STAT4: variants seen among roughly 807,000 people sequenced by gnomAD.
STAT4 encodes signal transducer and activator of transcription 4.
Under a neutral mutation model 110.5 loss-of-function variants are expected in STAT4, and 42 were observed. The observed-to-expected ratio is 0.38, with a 90% CI of 0.30 to 0.49. STAT4 has a LOEUF of 0.49. STAT4 is among the 20% of genes least tolerant of loss of function. The pLI is 0.95. For missense variants in STAT4, 632 were observed against 887.9 expected (o/e 0.71, Z 3.66); for synonymous variants, 284 against 302.2 (o/e 0.94, Z 0.63).
rs189835242 is a variant in STAT4 at position 191,141,776 on chromosome 2, G to A, written c.273+4837C>T. Among the ~76,000 whole-genome samples the A allele has an allele frequency of 2.6e-4, 39 of 151,960 alleles. No homozygotes were observed. The East Asian group carries it at 4.1e-3, about 16-fold the overall frequency. On this transcript the variant is annotated intron_variant, in intron 3 of 23. Transcript: ENST00000392320. The stretch of plus-strand genomic sequence containing the variant: ...CTCCTGAGTAGCTGGGATTACAGGC[G>A]TGCATCATCACATCTGGCTAATTTT...
chr2:191,105,597 TAA>T lies in STAT4; in HGVS notation c.274-29274_274-29273del, dbSNP rs149649830. On this transcript the variant is annotated intron_variant, in intron 3 of 23. Coordinates refer to ENST00000392320, the MANE Select transcript of STAT4 (RefSeq NM_003151.4). ...CACAGCAAAAGCATAAGTAGAAAAA[TAA>T]AAAGCCAGTCTTCATTTTACCCACT... Among the ~76,000 whole-genome samples the T allele has an allele frequency of 5.2e-3, 788 of 152,230 alleles. 6 individuals carry two copies. Among genetic ancestry groups the T allele is most frequent in the African/African-American group, 0.018 (750 of 41,546 alleles).
At chr2:191,044,560 A>T (rs1696293117) in intron 14 of STAT4, among the ~76,000 whole-genome samples, 1 of 152,180 alleles carries the variant, frequency 6.6e-6, no homozygotes, top group South Asian at 2.1e-4. Context: ...ACAGTAACCT[A>T]AGAAAGAGGA....
At chr2:191,134,930 G>A (rs1305509713) in intron 3 of STAT4, among the ~76,000 whole-genome samples, 2 of 151,872 alleles carry the variant, frequency 1.3e-5, no homozygotes, top group Non-Finnish European at 2.9e-5. Context: ...TGCTAAAAGG[G>A]AGGTTCATAG....
rs1052835658 is a variant in STAT4, at chr2:191,061,259, G to C, written c.1034+470C>G. ...CAGTTACTGGGTAATCTCAGGAGAT[G>C]AATGTGCCACTGTGTTTCCTGGATA... On this transcript the variant is annotated intron_variant, in intron 10 of 23. Coordinates refer to ENST00000392320, the MANE Select transcript of STAT4 (RefSeq NM_003151.4). The surrounding 1 kb of genome is among the most constrained non-coding windows in gnomAD (Gnocchi z 6.2). 8.5e-5 allele frequency among the ~76,000 whole-genome samples: 13 copies of C among 152,138 alleles called. No homozygotes were observed. The highest frequency in any genetic ancestry group is 3.1e-4 in the African/African-American group (13 of 41,426).
At chr2:191,057,332 G>A (rs545923529) in intron 13 of STAT4, among the ~76,000 whole-genome samples, 2 of 152,162 alleles carry the variant, frequency 1.3e-5, no homozygotes, top group Admixed American at 1.3e-4. Context: ...ATGTTGCTGC[G>A]TATGACACAA....
chr2:191,036,038 T>A lies in STAT4; in HGVS notation c.1570+126A>T. On this transcript the variant is annotated intron_variant, in intron 17 of 23. Coordinates refer to ENST00000392320, the MANE Select transcript of STAT4 (RefSeq NM_003151.4). ...TAACACTTAGTTCTGTGCCTGGCAA[T>A]ATAGTAGGCATTGAATAAATTATGA... is the stretch of plus-strand genomic sequence containing the variant. The A allele has an allele frequency of 2.6e-6, 3 of 1,166,634 alleles. No homozygotes were observed. The South Asian group carries it at 4.8e-5, about 19-fold the overall frequency. 72.3% of individuals were successfully genotyped at this position (1,166,634 alleles called of 1,614,324 possible).
rs1159866242 is a variant in STAT4, at chr2:191,083,865, T to C, written c.274-7540A>G. Reference sequence around the variant, plus strand: ...TTCGCATGATTTTAGTAATCTTTGATGAAAAAAAGACAGTTTTAAAATTAT... The same window carrying C: ...TTCGCATGATTTTAGTAATCTTTGACGAAAAAAAGACAGTTTTAAAATTAT... On this transcript the variant is annotated intron_variant, in intron 3 of 23. Transcript: ENST00000392320. The surrounding 1 kb of genome is among the most constrained non-coding windows in gnomAD (Gnocchi z 4.6). 6.6e-6 allele frequency among the ~76,000 whole-genome samples: 1 copy of C among 152,108 alleles called. No homozygotes were observed. Among genetic ancestry groups the C allele is most frequent in the East Asian group, 1.9e-4 (1 of 5,194 alleles).
Position 191,082,819 on chromosome 2 carries a change from C to T in STAT4, c.274-6494G>A, listed in dbSNP as rs117467313. Among the ~76,000 whole-genome samples, 1,213 of 152,292 alleles carry T rather than the reference C, an allele frequency of 8.0e-3. 16 individuals carry two copies. Among genetic ancestry groups the T allele is most frequent in the Middle Eastern group, 0.037 (11 of 294 alleles). On this transcript the variant is annotated intron_variant, in intron 3 of 23. Coordinates refer to ENST00000392320, the MANE Select transcript of STAT4 (RefSeq NM_003151.4). This position sits in a 1 kb window ranked among gnomAD's most constrained non-coding sequence, Gnocchi z 4.7. Reference sequence around the variant, plus strand: ...CCTGTTCAAAATAATCTTCTTCATACAGGCGACATGGAGCCTGAAACTTCA... The same window carrying T: ...CCTGTTCAAAATAATCTTCTTCATATAGGCGACATGGAGCCTGAAACTTCA...
Position 191,051,576 on chromosome 2 carries a change from G to A in STAT4, c.1251+2914C>T, listed in dbSNP as rs918940296. Among the ~76,000 whole-genome samples the A allele has an allele frequency of 6.6e-6, 1 of 152,256 alleles. No individual in the cohort carries two copies. The highest frequency in any genetic ancestry group is 2.4e-5 in the African/African-American group (1 of 41,466). On this transcript the variant is annotated intron_variant, in intron 14 of 23. Coordinates refer to ENST00000392320, the MANE Select transcript of STAT4 (RefSeq NM_003151.4). This position sits in a 1 kb window ranked among gnomAD's most constrained non-coding sequence, Gnocchi z 5.6. ...GTGCAAAAGGAGACACAGTAGACAAGAGAGGTCAACAACATTTTCTGAGGA... is the reference window on the plus strand; with the variant it reads ...GTGCAAAAGGAGACACAGTAGACAAAAGAGGTCAACAACATTTTCTGAGGA...
chr2:191,063,186 A>T (rs917613668), intron 8 of STAT4, among the ~76,000 whole-genome samples: 4 of 152,098 alleles, frequency 2.6e-5, no homozygotes, highest in Admixed American at 2.6e-4. Context: ...ATGAAATTTT[A>T]TCAACATTTG....
In STAT4 at chr2:191,138,031, T is replaced by C. The variant is rs896045688; in HGVS notation, c.273+8582A>G. Among the ~76,000 whole-genome samples the C allele has an allele frequency of 1.3e-5, 2 of 152,164 alleles. No homozygotes were observed. Among genetic ancestry groups the C allele is most frequent in the Non-Finnish European group, 2.9e-5 (2 of 68,012 alleles). On this transcript the variant is annotated intron_variant, in intron 3 of 23. Transcript: ENST00000392320. This position sits in a 1 kb window ranked among gnomAD's most constrained non-coding sequence, Gnocchi z 4.3. Reference sequence around the variant, plus strand: ...ATAGAACTACATTAAACTAAAAAGCTTCTGCACAGCAAAGGAAACAATCAG... The same window carrying C: ...ATAGAACTACATTAAACTAAAAAGCCTCTGCACAGCAAAGGAAACAATCAG...
chr2:191,140,398 A>G lies in STAT4; in HGVS notation c.273+6215T>C, dbSNP rs1488926453. On this transcript the variant is annotated intron_variant, in intron 3 of 23. Transcript: ENST00000392320. The surrounding 1 kb of genome is among the most constrained non-coding windows in gnomAD (Gnocchi z 4.4). ...TGCAAGGAACTCAAACAAATCAGCA[A>G]AAAAACTAATAATAATCCCATCAAA... Among the ~76,000 whole-genome samples the G allele has an allele frequency of 2.0e-5, 3 of 152,248 alleles. No individual in the cohort carries two copies. Among genetic ancestry groups the G allele is most frequent in the African/African-American group, 7.2e-5 (3 of 41,464 alleles).
chr2:191,075,852 T>TG (rs1318352950), intron 4 of STAT4, among the ~76,000 whole-genome samples: 62 of 149,364 alleles, frequency 4.2e-4, no homozygotes, highest in African/African-American at 1.2e-3. Flanking sequence ...TTTTTTTTTT[T>TG]TTTTGTTTTG....
At position 191,066,521 on chromosome 2, in the gene STAT4, A is replaced by G. The variant is rs1176824036; in HGVS notation, c.545-6T>C. 2 of 1,612,246 alleles carry G rather than the reference A, an allele frequency of 1.2e-6. No homozygotes were observed. Among genetic ancestry groups the G allele is most frequent in the South Asian group, 2.2e-5 (2 of 90,994 alleles). On this transcript the variant is annotated splice_polypyrimidine_tract_variant and splice_region_variant and intron_variant, in intron 6 of 23. Coordinates refer to ENST00000392320, the MANE Select transcript of STAT4 (RefSeq NM_003151.4). The surrounding 1 kb of genome is among the most constrained non-coding windows in gnomAD (Gnocchi z 4.3). ...ACTATTCTTGTCACTCTGATCTGCA[A>G]AGGTAAAGAGATCAGATTTAGAGTT...
At chr2:191,041,331 T>C (rs1696192634) in intron 14 of STAT4, 183 bp from the exon 15 acceptor site, 1 of 247,214 alleles carries the variant, frequency 4.0e-6, no homozygotes, top group South Asian at 1.7e-4. Flanking sequence ...TGGAAAATCT[T>C]CATTTCCCCA....
chr2:191,091,467 G>C lies in STAT4; in HGVS notation c.274-15142C>G, dbSNP rs919292758. Among the ~76,000 whole-genome samples the C allele has an allele frequency of 1.3e-5, 2 of 152,208 alleles. No homozygotes were observed. Among genetic ancestry groups the C allele is most frequent in the South Asian group, 2.1e-4 (1 of 4,834 alleles). ...TTAAAAACATAAATTCTAAATGTGAGAGACTTGTTATTATAAAAATATTAA... is the reference window on the plus strand; with the variant it reads ...TTAAAAACATAAATTCTAAATGTGACAGACTTGTTATTATAAAAATATTAA... On this transcript the variant is annotated intron_variant, in intron 3 of 23. Transcript: ENST00000392320. The surrounding 1 kb of genome is among the most constrained non-coding windows in gnomAD (Gnocchi z 5.4).
chr2:191,135,614 T>C lies in STAT4; in HGVS notation c.273+10999A>G, dbSNP rs1337151761. Among the ~76,000 whole-genome samples, 1 of 152,100 alleles carries C rather than the reference T, an allele frequency of 6.6e-6. No individual in the cohort carries two copies. The highest frequency in any genetic ancestry group is 2.4e-5 in the African/African-American group (1 of 41,412). Reference sequence around the variant, plus strand: ...CATGAGTAGCTGGGACTACAGGTGATCACCACCACGCCCAGCTAATTTTTT... The same window carrying C: ...CATGAGTAGCTGGGACTACAGGTGACCACCACCACGCCCAGCTAATTTTTT... On this transcript the variant is annotated intron_variant, in intron 3 of 23. Coordinates refer to ENST00000392320, the MANE Select transcript of STAT4 (RefSeq NM_003151.4). This position sits in a 1 kb window ranked among gnomAD's most constrained non-coding sequence, Gnocchi z 4.8.
intron 3 of STAT4, among the ~76,000 whole-genome samples, chr2:191,084,416 A>C (rs1697577787): frequency 6.6e-6 from 1 of 152,148 alleles, no homozygotes; most frequent in African/African-American, 2.4e-5. Context: ...AAAATTACTT[A>C]CGTCCTAAGT....
In STAT4 at chr2:191,140,169, T is replaced by G. The variant is rs746910251; in HGVS notation, c.273+6444A>C. The stretch of plus-strand genomic sequence containing the variant: ...TAGAACATAACATTGGAAAAATACT[T>G]CTAGGCATTGGCTTAGGCAAAGAAT... On this transcript the variant is annotated intron_variant, in intron 3 of 23. Coordinates refer to ENST00000392320, the MANE Select transcript of STAT4 (RefSeq NM_003151.4). This position sits in a 1 kb window ranked among gnomAD's most constrained non-coding sequence, Gnocchi z 4.4. 5.3e-5 allele frequency among the ~76,000 whole-genome samples: 8 copies of G among 152,140 alleles called. No homozygotes were observed. Among genetic ancestry groups the G allele is most frequent in the Non-Finnish European group, 1.2e-4 (8 of 68,026 alleles).
Sources: gnomAD v4.1 joint callset for allele counts (sites outside exome capture counted in the v4.1 genomes callset) on GRCh38, gnomAD v4.1.1 for gene constraint, Gnocchi (gnomAD v3.1) non-coding constraint, MANE v1.5 for transcripts, NCBI Gene and HGNC (gene_info 2026-07-23, HGNC 2026-07-21) for gene names.